The following CHRNA6 variants were observed in gnomAD, a reference collection of about 807,000 sequenced individuals.
CHRNA6 encodes the protein neuronal acetylcholine receptor subunit alpha-6.
In CHRNA6, 31 loss-of-function variants were observed where a neutral mutation model predicts 40.9. That is an observed-to-expected ratio of 0.76 (90% CI 0.57 to 1.02). The LOEUF (loss-of-function observed/expected upper bound fraction) is 1.02, where lower values mean the gene tolerates loss of function less well. CHRNA6 is among the 50% of genes least tolerant of loss of function. The pLI, the probability that CHRNA6 is intolerant of heterozygous loss-of-function variation, is 0.00. For synonymous variants in CHRNA6, 222 were observed against 221.3 expected (o/e 1.00, Z -0.03); for missense variants, 546 against 596.6 (o/e 0.92, Z 0.88).
At position 42,760,213 on chromosome 8, in the gene CHRNA6, GCA is replaced by G. The variant is rs552300082; in HGVS notation, c.220-1102_220-1101del. ...CATGTGTGGACACACACACACATAT[GCA>G]CACACACGCACACTCATACACACGC... On this transcript the variant is annotated intron_variant, in intron 2 of 5. Coordinates refer to ENST00000276410, the MANE Select transcript of CHRNA6 (RefSeq NM_004198.3). Among the ~76,000 whole-genome samples the G allele has an allele frequency of 7.9e-5, 12 of 152,070 alleles. 1 individual carries two copies. The highest frequency in any genetic ancestry group is 4.2e-4 in the South Asian group (2 of 4,814).
At chr8:42,762,058 A>C (rs1816912029) in intron 2 of CHRNA6, among the ~76,000 whole-genome samples, 1 of 152,192 alleles carries the variant, frequency 6.6e-6, no homozygotes, top group East Asian at 1.9e-4. Flanking sequence ...TGCATGACAC[A>C]AACACACTTC....
chr8:42,765,148 TGTAA>T lies in CHRNA6; in HGVS notation c.132_135del (p.His44GlnfsTer32). ...TTTTCCACAGGCCTGATGAACTGGT[TGTAA>T]TGAGAAAACAGTTTGTGGAAGAGCC... On this transcript the variant is annotated frameshift_variant, in exon 2 of 6. Transcript: ENST00000276410. LOFTEE classifies it high-confidence loss of function. 1 of 1,614,144 alleles carries T rather than the reference TGTAA, an allele frequency of 6.2e-7. No homozygotes were observed. Among genetic ancestry groups the T allele is most frequent in the East Asian group, 2.2e-5 (1 of 44,880 alleles).
Position 42,758,269 on chromosome 8 carries a change from C to T in CHRNA6, c.264+800G>A, listed in dbSNP as rs538075972. 2.0e-4 allele frequency among the ~76,000 whole-genome samples: 31 copies of T among 151,858 alleles called. No homozygotes were observed. The South Asian group carries it at 4.6e-3, about 22-fold the overall frequency. On this transcript the variant is annotated intron_variant, in intron 3 of 5. Coordinates refer to ENST00000276410, the MANE Select transcript of CHRNA6 (RefSeq NM_004198.3). ...GAGCTATACTCACACTGGAGTATAGCTCTAATATCAAAAAGTTCAAGGGTA... is the reference window on the plus strand; with the variant it reads ...GAGCTATACTCACACTGGAGTATAGTTCTAATATCAAAAAGTTCAAGGGTA...
Position 42,766,892 on chromosome 8 carries a change from C to G in CHRNA6, c.79+1460G>C, listed in dbSNP as rs1314014517. 2.6e-5 allele frequency among the ~76,000 whole-genome samples: 4 copies of G among 152,326 alleles called. No individual in the cohort carries two copies. In the East Asian group the frequency reaches 7.7e-4, roughly 29 times the overall value. On this transcript the variant is annotated intron_variant, in intron 1 of 5. Transcript: ENST00000276410. Reference sequence around the variant, plus strand: ...CATGTACCCCAGACTTAAAATAAAACAAAAATCAACTTTGAAATTCAGTTA... The same window carrying G: ...CATGTACCCCAGACTTAAAATAAAAGAAAAATCAACTTTGAAATTCAGTTA...
chr8:42,754,712 A>G lies in CHRNA6; in HGVS notation c.1353+1134T>C, dbSNP rs1266099172. Among the ~76,000 whole-genome samples, 10 of 152,322 alleles carry G rather than the reference A, an allele frequency of 6.6e-5. No individual in the cohort carries two copies. The East Asian group carries it at 1.9e-3, about 29-fold the overall frequency. ...GCCTGAGTTTCAGATGCCTTCCGCT[A>G]GTCACCCACATGGTGTGGGAAATTG... On this transcript the variant is annotated intron_variant, in intron 5 of 5. Coordinates refer to ENST00000276410, the MANE Select transcript of CHRNA6 (RefSeq NM_004198.3).
chr8:42,762,384 C>T (rs1327930148), intron 2 of CHRNA6, among the ~76,000 whole-genome samples: 1 of 152,216 alleles, frequency 6.6e-6, no homozygotes, highest in Non-Finnish European at 1.5e-5. Flanking sequence ...GGTGTGGTGG[C>T]TCACACCTGT....
chr8:42,760,228 C>T (rs1363864472), intron 2 of CHRNA6, among the ~76,000 whole-genome samples: 1 of 151,978 alleles, frequency 6.6e-6, no homozygotes, highest in Non-Finnish European at 1.5e-5. Context: ...CACACGCACA[C>T]TCATACACAC....
At chr8:42,753,392 TC>T in intron 5 of CHRNA6, 82 bp from the exon 6 acceptor site, 1 of 1,286,954 alleles carries the variant, frequency 7.8e-7, no homozygotes, top group African/African-American at 1.5e-5. Context: ...ATAAGCTGCT[TC>T]TTTTTTGAAG....
chr8:42,764,647 T>C (rs979790807), intron 2 of CHRNA6, among the ~76,000 whole-genome samples: 8 of 152,120 alleles, frequency 5.3e-5, no homozygotes, highest in Admixed American at 3.9e-4. Context: ...TTTTAAACTG[T>C]GGAGTGAAAA....
rs200044094 is a variant in CHRNA6 at position 42,753,098 on chromosome 8, C to T, written c.*81G>A. ...CAGATGGGGGACTTGGGTGGGAAGC[C>T]TTTGCTTTCCTTTCCTTGTGGCAGG... On this transcript the variant is annotated 3_prime_UTR_variant, in exon 6 of 6. Coordinates refer to ENST00000276410, the MANE Select transcript of CHRNA6 (RefSeq NM_004198.3). The T allele has an allele frequency of 3.8e-5, 53 of 1,379,986 alleles. No homozygotes were observed. The highest frequency in any genetic ancestry group is 2.3e-4 in the Admixed American group (10 of 42,842). The allele number at this position is 1,379,986 out of a possible 1,614,324, so 85.5% of individuals were successfully genotyped here. A position where few individuals can be genotyped will look rare whatever the true frequency, so the allele number is the denominator to read the frequency against.
chr8:42,759,495 G>GTT (rs1816863789), intron 2 of CHRNA6: 1 of 199,378 alleles, frequency 5.0e-6, no homozygotes, highest in African/African-American at 2.3e-5. Flanking sequence ...TTCCAACCCC[G>GTT]CACAGTGTTT....
intron 2 of CHRNA6, among the ~76,000 whole-genome samples, chr8:42,760,773 T>C (rs898135361): frequency 6.6e-6 from 1 of 152,196 alleles, no homozygotes; most frequent in African/African-American, 2.4e-5. Flanking sequence ...CAGAAGACAG[T>C]CAGGGCTGTG....
At chr8:42,761,505 T>C (rs1816903768) in intron 2 of CHRNA6, among the ~76,000 whole-genome samples, 1 of 152,228 alleles carries the variant, frequency 6.6e-6, no homozygotes, top group South Asian at 2.1e-4. Flanking sequence ...ATAAGCACAC[T>C]GTGTTCAGAA....
rs1563622765 is a variant in CHRNA6 at position 42,753,290 on chromosome 8, G to GT, written c.1373dup (p.Tyr458Ter). Residue 458 changes from tyrosine to a stop codon, truncating the protein, a stop_gained and frameshift_variant, in exon 6 of 6, where the codon TAC becomes TAAC. Transcript: ENST00000276410. LOFTEE classifies it high-confidence loss of function. The part of the protein sequence containing the change: ...ETKEVEDDWK[Y>*]VAMVVDRVFL... ...ATACTCTGTCCACCACCATGGCCAC[G>GT]TATTTCCAGTCATCTTCTACCTGAA... 2.5e-6 allele frequency: 4 copies of GT among 1,604,968 alleles called. No homozygotes were observed. The highest frequency in any genetic ancestry group is 3.5e-5 in the Admixed American group (2 of 56,996).
intron 2 of CHRNA6, among the ~76,000 whole-genome samples, chr8:42,760,519 C>T (rs1465216516): frequency 2.6e-5 from 4 of 151,990 alleles, no homozygotes; most frequent in Admixed American, 6.6e-5. Context: ...CACATGCACA[C>T]GCTCATGCAC....
chr8:42,757,346 A>G (rs991668007), intron 3 of CHRNA6, among the ~76,000 whole-genome samples: 4 of 134,656 alleles, frequency 3.0e-5, no homozygotes, highest in Admixed American at 2.9e-4. Context: ...AGCCTGGGTG[A>G]CTCTATCTGG....
intron 2 of CHRNA6, among the ~76,000 whole-genome samples, chr8:42,760,298 C>T (rs1321711262): frequency 1.3e-5 from 2 of 150,696 alleles, no homozygotes; most frequent in African/African-American, 2.5e-5. Flanking sequence ...TGCATATACA[C>T]GGTACTCTCA....
In CHRNA6 at chr8:42,768,223, G is replaced by T. The variant is rs1159145895; in HGVS notation, c.79+129C>A. On this transcript the variant is annotated intron_variant, in intron 1 of 5. Transcript: ENST00000276410. ...AAACCAAATAGATTAATTAGCAGTT[G>T]TAACAGTGGTGGCTCCTATGCAGAC... The T allele has an allele frequency of 7.9e-6, 5 of 635,552 alleles. No individual in the cohort carries two copies. The East Asian group carries it at 7.9e-5, about 10-fold the overall frequency. The allele number at this position is 635,552 out of a possible 1,614,324, so 39.4% of individuals were successfully genotyped here. A position where few individuals can be genotyped will look rare whatever the true frequency, so the allele number is the denominator to read the frequency against.
intron 3 of CHRNA6, among the ~76,000 whole-genome samples, chr8:42,757,675 G>A (rs1340668180): frequency 2.0e-5 from 3 of 149,030 alleles, no homozygotes; most frequent in African/African-American, 7.5e-5. Flanking sequence ...GGAGCTTGCA[G>A]TGAGCCGAGA....
Sources: gnomAD v4.1 joint callset for allele counts (sites outside exome capture counted in the v4.1 genomes callset) on GRCh38, gnomAD v4.1.1 for gene constraint, MANE v1.5 for transcripts, NCBI Gene and HGNC (gene_info 2026-07-23, HGNC 2026-07-21) for gene names.